SNX27: variants seen among roughly 807,000 people sequenced by gnomAD.
SNX27 encodes sorting nexin-27.
A neutral mutation model predicts 71.6 loss-of-function variants in SNX27; 22 were observed. The ratio of observed to expected loss-of-function variants is 0.31; its 90% CI spans 0.22 to 0.44. The LOEUF (loss-of-function observed/expected upper bound fraction) is 0.44, where lower values mean the gene tolerates loss of function less well. Ranked by LOEUF, SNX27 falls within the 20% of genes least tolerant of loss-of-function variation. SNX27 has a pLI of 1.00. For synonymous variants in SNX27, 269 were observed against 277.2 expected (o/e 0.97, Z 0.29); for missense variants, 531 against 698.6 (o/e 0.76, Z 2.70).
At chr1:151,653,952 C>T (rs1474706292) in intron 2 of SNX27, among the ~76,000 whole-genome samples, 1 of 151,066 alleles carries the variant, frequency 6.6e-6, no homozygotes, top group Non-Finnish European at 1.5e-5. Context: ...CCTGCCTCAT[C>T]CTCCCTAGTA....
chr1:151,636,691 G>T (rs911793349), intron 1 of SNX27, among the ~76,000 whole-genome samples: 7 of 137,482 alleles, frequency 5.1e-5, no homozygotes, highest in East Asian at 4.1e-4. Flanking sequence ...AAAAAAAAAA[G>T]GATATTCATG....
At chr1:151,628,011 T>G (rs1051290070) in intron 1 of SNX27, among the ~76,000 whole-genome samples, 7 of 151,302 alleles carry the variant, frequency 4.6e-5, no homozygotes, top group African/African-American at 7.3e-5. Flanking sequence ...TGACTGTTTT[T>G]TTTTTTTTTT....
intron 9 of SNX27, 37 bp from the exon 10 acceptor site, chr1:151,692,874 A>T: frequency 6.2e-7 from 1 of 1,613,410 alleles, no homozygotes; most frequent in Non-Finnish European, 8.5e-7. Context: ...ACTCTGAAAC[A>T]CAGACTGTAC....
Position 151,666,007 on chromosome 1 carries a change from C to T in SNX27, c.981C>T (p.Ser327=). The change falls in exon 6 of 12, where the codon TCC becomes TCT. Residue 327 remains serine (S), a synonymous_variant. Transcript: ENST00000458013. The stretch of plus-strand genomic sequence containing the variant: ...CCTTATTTGAAGTGATCAGTCACTC[C>T]TTTGGTAAGTACCAGTGGCTGATAC... ...YFALFEVISH[S]FVRKLAPNEF... is the part of the protein sequence containing the mutation. The T allele has an allele frequency of 6.2e-7, 1 of 1,610,126 alleles. No homozygotes were observed. The highest frequency in any genetic ancestry group is 8.5e-7 in the Non-Finnish European group (1 of 1,177,274).
intron 3 of SNX27, chr1:151,659,849 T>C (rs1258627013): frequency 1.3e-5 from 2 of 152,248 alleles, no homozygotes; most frequent in East Asian, 3.8e-4. Flanking sequence ...ATTTGGTAGC[T>C]GTTCAGTAGG....
At chr1:151,620,227 C>T (rs1456431102) in intron 1 of SNX27, among the ~76,000 whole-genome samples, 1 of 152,162 alleles carries the variant, frequency 6.6e-6, no homozygotes, top group African/African-American at 2.4e-5. Flanking sequence ...TGAATGTAAT[C>T]CCAAGAAGTT....
At chr1:151,640,067 A>G (rs1203694825) in intron 2 of SNX27, among the ~76,000 whole-genome samples, 3 of 152,216 alleles carry the variant, frequency 2.0e-5, no homozygotes, top group South Asian at 2.1e-4. Flanking sequence ...GAGATAAGAA[A>G]AGCAAGGAAG....
rs544888837 is a variant in SNX27, at chr1:151,689,166, G to A, written c.1240-3269G>A. Among the ~76,000 whole-genome samples the A allele has an allele frequency of 1.0e-3, 157 of 152,286 alleles. 2 individuals are homozygous for A. The highest frequency in any genetic ancestry group is 0.01 in the Middle Eastern group (3 of 294). ...GACTGGTCTAGGCACTTTATATGAA[G>A]TCTCATTTTCTCCTTATAACAACCC... On this transcript the variant is annotated intron_variant, in intron 8 of 11. Transcript: ENST00000458013.
At chr1:151,651,878 C>G (rs1445281122) in intron 2 of SNX27, among the ~76,000 whole-genome samples, 7 of 151,670 alleles carry the variant, frequency 4.6e-5, no homozygotes, top group Admixed American at 2.0e-4. Context: ...TGTAGCGAGC[C>G]GAGATCACGC....
At chr1:151,661,011 C>G (rs888767727) in intron 4 of SNX27, 149 bp downstream of exon 4, 13 of 617,870 alleles carry the variant, frequency 2.1e-5, no homozygotes, top group Non-Finnish European at 3.8e-5. Context: ...TCCTACTTAT[C>G]TATCCTTTAA....
At chr1:151,664,206 A>ATG (rs1670093405) in intron 5 of SNX27, among the ~76,000 whole-genome samples, 1 of 15,326 alleles carries the variant, frequency 6.5e-5, no homozygotes, top group Non-Finnish European at 1.3e-3. Context: ...TACAAATAAT[A>ATG]TATATTTAAT....
intron 1 of SNX27, among the ~76,000 whole-genome samples, chr1:151,638,052 G>T (rs1668550348): frequency 6.6e-6 from 1 of 152,218 alleles, no homozygotes; most frequent in African/African-American, 2.4e-5. Context: ...GTGAGACTCA[G>T]CATCTTTCTT....
intron 2 of SNX27, among the ~76,000 whole-genome samples, chr1:151,656,616 G>A (rs1191023155): frequency 6.6e-6 from 1 of 152,220 alleles, no homozygotes; most frequent in African/African-American, 2.4e-5. Flanking sequence ...ACTCAGGGTT[G>A]TACTCAGAAG....
intron 7 of SNX27, chr1:151,675,781 C>CCCTCCCT (rs1197116545): frequency 4.0e-4 from 52 of 129,950 alleles, no homozygotes; most frequent in Admixed American, 1.5e-4. Flanking sequence ...TTCTTTCCCT[C>CCCTCCCT]CCTCCCTCCC....
At chr1:151,649,406 G>A (rs1263376176) in intron 2 of SNX27, among the ~76,000 whole-genome samples, 1 of 152,016 alleles carries the variant, frequency 6.6e-6, no homozygotes, top group Non-Finnish European at 1.5e-5. Context: ...AACATACTGA[G>A]ACTCTGTCTC....
chr1:151,683,215 T>C (rs1036618041), intron 7 of SNX27, 141 bp from the exon 8 acceptor site: 6 of 627,020 alleles, frequency 9.6e-6, no homozygotes, highest in African/African-American at 9.4e-5. Context: ...TCCCTGGACA[T>C]GTGGCAGAGT....
chr1:151,644,003 A>G (rs989077208), intron 2 of SNX27, among the ~76,000 whole-genome samples: 14 of 152,224 alleles, frequency 9.2e-5, no homozygotes, highest in Non-Finnish European at 1.8e-4. Context: ...GTGAGCCCAG[A>G]TCACACCACT....
intron 2 of SNX27, among the ~76,000 whole-genome samples, chr1:151,656,772 C>A (rs972094362): frequency 6.6e-6 from 1 of 152,116 alleles, no homozygotes; most frequent in Non-Finnish European, 1.5e-5. Flanking sequence ...TATATTCACA[C>A]AACAAAATGC....
intron 10 of SNX27, 167 bp downstream of exon 10, chr1:151,693,206 A>G: frequency 9.1e-7 from 1 of 1,098,856 alleles, no homozygotes; most frequent in Non-Finnish European, 1.3e-6. Flanking sequence ...TTTAGGCCTG[A>G]CTGGAATTGG....
Sources: allele counts gnomAD v4.1 joint callset (sites outside exome capture counted in the v4.1 genomes callset), GRCh38; gene constraint gnomAD v4.1.1; transcripts MANE v1.5; gene names NCBI Gene and HGNC (gene_info 2026-07-23, HGNC 2026-07-21).